The following ELP4 variants were observed in gnomAD, a reference collection of about 807,000 sequenced individuals.
ELP4 encodes elongator acetyltransferase complex subunit 4.
A neutral mutation model predicts 48.9 loss-of-function variants in ELP4; 51 were observed. That is an observed-to-expected ratio of 1.04 (90% CI 0.83 to 1.32). ELP4 has a LOEUF of 1.32. Ranked by LOEUF, ELP4 falls within the 40% of genes most tolerant of loss-of-function variation. The probability of loss-of-function intolerance (pLI) is 0.00; values close to 1 mark genes in which losing one functional copy is unlikely to be tolerated. For synonymous variants in ELP4, 210 were observed against 189.2 expected, an observed-to-expected ratio of 1.11 and a Z score of -0.90; for missense variants, 519 against 514.6, an observed-to-expected ratio of 1.01 and a Z score of -0.08.
At chr11:31,522,336 C>T (rs151008931) in intron 2 of ELP4, among the ~76,000 whole-genome samples, 48 of 152,228 alleles carry the variant, frequency 3.2e-4, no homozygotes, top group African/African-American at 8.9e-4. Flanking sequence ...CCTCAGCCTC[C>T]GTTCCTTGAA....
intron 3 of ELP4, among the ~76,000 whole-genome samples, chr11:31,578,272 C>A (rs933023411): frequency 6.6e-6 from 1 of 152,148 alleles, no homozygotes; most frequent in East Asian, 1.9e-4. Flanking sequence ...CTACAAACCA[C>A]TGCTCAGCGA....
intron 9 of ELP4, among the ~76,000 whole-genome samples, chr11:31,743,200 TC>T: frequency 6.6e-6 from 1 of 152,250 alleles, no homozygotes; most frequent in South Asian, 2.1e-4. Context: ...GAGCTAACTA[TC>T]CCAAATATAT....
chr11:31,732,142 G>A (rs543248804), intron 9 of ELP4, among the ~76,000 whole-genome samples: 1 of 152,140 alleles, frequency 6.6e-6, no homozygotes, highest in East Asian at 1.9e-4. Flanking sequence ...TAAATATATA[G>A]ACAAATACAG....
chr11:31,755,460 A>G (rs1036863378), intron 9 of ELP4, among the ~76,000 whole-genome samples: 1 of 152,206 alleles, frequency 6.6e-6, no homozygotes, highest in Non-Finnish European at 1.5e-5. Context: ...GCACCAGTAT[A>G]TAAGACATAT....
intron 9 of ELP4, among the ~76,000 whole-genome samples, chr11:31,682,628 G>A (rs971011671): frequency 6.6e-6 from 1 of 152,164 alleles, no homozygotes; most frequent in African/African-American, 2.4e-5. Flanking sequence ...ATACTACCAT[G>A]TGCCGGGCCT....
intron 9 of ELP4, among the ~76,000 whole-genome samples, chr11:31,682,474 C>G (rs1004029416): frequency 1.3e-5 from 2 of 152,176 alleles, no homozygotes; most frequent in African/African-American, 4.8e-5. Context: ...GCTCCCTGAG[C>G]CTAGCCTAGC....
Position 31,586,380 on chromosome 11 carries a change from G to A in ELP4, c.382-8390G>A, listed in dbSNP as rs76992440. Among the ~76,000 whole-genome samples, 1,296 of 152,204 alleles carry A rather than the reference G, an allele frequency of 8.5e-3. 10 individuals carry two copies. Among genetic ancestry groups the A allele is most frequent in the Non-Finnish European group, 0.012 (793 of 68,008 alleles). On this transcript the variant is annotated intron_variant, in intron 3 of 9. Coordinates refer to ENST00000640961, the MANE Select transcript of ELP4 (RefSeq NM_019040.5). ...GAAAGCATCCGTTTTACAGGTGTTG[G>A]GGAAGGAATAATATAAAGCAATGGA...
chr11:31,542,855 G>C (rs1040667075), intron 3 of ELP4, among the ~76,000 whole-genome samples: 1 of 152,006 alleles, frequency 6.6e-6, no homozygotes, highest in East Asian at 1.9e-4. Flanking sequence ...TGACATGATA[G>C]AATTAGATGA....
chr11:31,666,264 C>T (rs1945672673), intron 9 of ELP4, among the ~76,000 whole-genome samples: 1 of 151,998 alleles, frequency 6.6e-6, no homozygotes, highest in African/African-American at 2.4e-5. Flanking sequence ...CCATCTCAGC[C>T]TAGAAAAGTG....
chr11:31,694,430 C>A (rs964094338), intron 9 of ELP4, among the ~76,000 whole-genome samples: 6 of 152,120 alleles, frequency 3.9e-5, no homozygotes, highest in African/African-American at 1.4e-4. Context: ...ATCCTTTCCC[C>A]ATTTCTTGTT....
Position 31,613,856 on chromosome 11 carries a change from A to G in ELP4, c.653+9949A>G, listed in dbSNP as rs964315350. Among the ~76,000 whole-genome samples, 3 of 151,108 alleles carry G rather than the reference A, an allele frequency of 2.0e-5. 1 individual carries two copies. In the East Asian group the frequency reaches 5.9e-4, roughly 30 times the overall value. On this transcript the variant is annotated intron_variant, in intron 5 of 9. Transcript: ENST00000640961. ...CCTGAGTAGCTGGGATTACAGGCGC[A>G]CACCACCACACCTGGCTAATTTTTT...
chr11:31,659,090 T>C (rs1945500857), intron 9 of ELP4, among the ~76,000 whole-genome samples: 1 of 152,100 alleles, frequency 6.6e-6, no homozygotes, highest in African/African-American at 2.4e-5. Flanking sequence ...ATATAAATTA[T>C]TAGTTTTTAA....
intron 9 of ELP4, among the ~76,000 whole-genome samples, chr11:31,729,448 C>G (rs1947139329): frequency 6.6e-6 from 1 of 152,098 alleles, no homozygotes; most frequent in Admixed American, 6.6e-5. Flanking sequence ...TAAAATGTCA[C>G]TAGTGGCATA....
intron 3 of ELP4, among the ~76,000 whole-genome samples, chr11:31,556,432 A>G (rs1171046465): frequency 6.6e-6 from 1 of 151,162 alleles, no homozygotes. Flanking sequence ...ATTTATTAGT[A>G]GACTGATTTT....
At chr11:31,542,805 T>C (rs1248998523) in intron 3 of ELP4, among the ~76,000 whole-genome samples, 1 of 152,006 alleles carries the variant, frequency 6.6e-6, no homozygotes, top group Non-Finnish European at 1.5e-5. Flanking sequence ...GAAAGTACAA[T>C]TTATAATAAG....
intron 9 of ELP4, among the ~76,000 whole-genome samples, chr11:31,758,523 A>G (rs936001959): frequency 3.3e-5 from 5 of 152,154 alleles, no homozygotes; most frequent in African/African-American, 1.2e-4. Flanking sequence ...CAACCTAGAA[A>G]ATTCTCTGCT....
rs1219019890 is a variant in ELP4 at position 31,603,777 on chromosome 11, G to GT, written c.524dup (p.Ser176IlefsTer10). On this transcript the variant is annotated frameshift_variant, in exon 5 of 10. Coordinates refer to ENST00000640961, the MANE Select transcript of ELP4 (RefSeq NM_019040.5). LOFTEE classifies it high-confidence loss of function. ...GGGTTTATTTTAGCAGATTGGACCA[G>GT]TATCATCTTCAAGATTTGGTCACTA... 6.2e-7 allele frequency: 1 copy of GT among 1,609,844 alleles called. No individual in the cohort carries two copies. Among genetic ancestry groups the GT allele is most frequent in the Non-Finnish European group, 8.5e-7 (1 of 1,177,476 alleles).
At chr11:31,593,322 G>A (rs1277630780) in intron 3 of ELP4, among the ~76,000 whole-genome samples, 2 of 151,700 alleles carry the variant, frequency 1.3e-5, no homozygotes, top group African/African-American at 4.8e-5. Context: ...GCATGATCTT[G>A]GCTCACTTTA....
At chr11:31,730,089 A>C (rs1310197377) in intron 9 of ELP4, among the ~76,000 whole-genome samples, 2 of 152,230 alleles carry the variant, frequency 1.3e-5, no homozygotes, top group South Asian at 2.1e-4. Context: ...AGGCAAGTGC[A>C]AAATTAGCCA....
Sources: allele counts gnomAD v4.1 joint callset (sites outside exome capture counted in the v4.1 genomes callset), GRCh38; gene constraint gnomAD v4.1.1; transcripts MANE v1.5; gene names NCBI Gene and HGNC (gene_info 2026-07-23, HGNC 2026-07-21).